CAPN5: variants seen among roughly 807,000 people sequenced by gnomAD.
The protein encoded by CAPN5 is calpain-5.
In CAPN5, 54 loss-of-function variants were observed where a neutral mutation model predicts 73.0. The ratio of observed to expected loss-of-function variants is 0.74; its 90% CI spans 0.59 to 0.93. The LOEUF is 0.93. Ranked by LOEUF, CAPN5 falls within the 40% of genes least tolerant of loss-of-function variation. The pLI is 0.00. For synonymous variants in CAPN5, 335 were observed against 356.9 expected (o/e 0.94, Z 0.69); for missense variants, 785 against 882.9 (o/e 0.89, Z 1.41).
At chr11:77,104,238 G>A (rs1320783638) in intron 3 of CAPN5, among the ~76,000 whole-genome samples, 3 of 152,142 alleles carry the variant, frequency 2.0e-5, no homozygotes, top group Non-Finnish European at 4.4e-5. Context: ...TAGTAAAGGG[G>A]GTTCCCTTTG....
chr11:77,101,067 G>A (rs904222624), intron 3 of CAPN5, among the ~76,000 whole-genome samples: 1 of 152,208 alleles, frequency 6.6e-6, no homozygotes, highest in Non-Finnish European at 1.5e-5. Context: ...TCTTGGCCTT[G>A]GGCTTGTGTC....
At position 77,093,772 on chromosome 11, in the gene CAPN5, G is replaced by A. The variant is rs1354048080; in HGVS notation, c.256G>A (p.Ala86Thr). 4 of 1,612,080 alleles carry A rather than the reference G, an allele frequency of 2.5e-6. No individual in the cohort carries two copies. The highest frequency in any genetic ancestry group is 3.4e-6 in the Non-Finnish European group (4 of 1,180,006). ...GGTGGGCAACTGCTGGTTTGTGGCAGCCTGCTCGTCACTTGCCTCCCGGGA... is the reference window on the plus strand; with the variant it reads ...GGTGGGCAACTGCTGGTTTGTGGCAACCTGCTCGTCACTTGCCTCCCGGGA... ...GQVGNCWFVA[A>T]CSSLASRESL... Residue 86 changes from alanine to threonine, a missense_variant, in exon 3 of 13, where the codon GCC becomes ACC. Transcript: ENST00000648180.
intron 2 of CAPN5, among the ~76,000 whole-genome samples, chr11:77,091,673 C>T (rs1316266798): frequency 6.6e-6 from 1 of 152,134 alleles, no homozygotes; most frequent in South Asian, 2.1e-4. Flanking sequence ...GGAAGAGGGG[C>T]CTGCTCTGTT....
At chr11:77,121,632 G>C (rs1390073187) in intron 10 of CAPN5, among the ~76,000 whole-genome samples, 1 of 152,192 alleles carries the variant, frequency 6.6e-6, no homozygotes, top group Non-Finnish European at 1.5e-5. Context: ...TAGCCTTTGC[G>C]GGGCTTTGCA....
intron 1 of CAPN5, among the ~76,000 whole-genome samples, chr11:77,083,638 G>A (rs138565602): frequency 5.9e-5 from 9 of 152,296 alleles, no homozygotes; most frequent in African/African-American, 2.2e-4. Flanking sequence ...TGGGACCACT[G>A]GGTGTCTTGG....
At chr11:77,085,121 G>A in intron 2 of CAPN5, 70 bp downstream of exon 2, 2 of 1,400,526 alleles carry the variant, frequency 1.4e-6, no homozygotes, top group East Asian at 2.3e-5. Flanking sequence ...GGCCTGCAGG[G>A]ACATCGGGGT....
At chr11:77,088,397 A>C (rs1292159683) in intron 2 of CAPN5, among the ~76,000 whole-genome samples, 1 of 152,136 alleles carries the variant, frequency 6.6e-6, no homozygotes, top group Non-Finnish European at 1.5e-5. Flanking sequence ...GGGCACACCC[A>C]GCCGAACTGC....
At chr11:77,090,654 C>G (rs1950139208) in intron 2 of CAPN5, among the ~76,000 whole-genome samples, 1 of 152,194 alleles carries the variant, frequency 6.6e-6, no homozygotes, top group African/African-American at 2.4e-5. Context: ...GGAGGGACAC[C>G]TGAGTCACTT....
chr11:77,083,318 C>T (rs782064151), intron 1 of CAPN5, among the ~76,000 whole-genome samples: 1 of 152,216 alleles, frequency 6.6e-6, no homozygotes, highest in African/African-American at 2.4e-5. Flanking sequence ...TGCCCGCGCT[C>T]GCCTCTTTCC....
intron 1 of CAPN5, among the ~76,000 whole-genome samples, chr11:77,068,598 G>A (rs1424556763): frequency 6.6e-6 from 1 of 152,176 alleles, no homozygotes; most frequent in Non-Finnish European, 1.5e-5. Flanking sequence ...TCAGATGTGT[G>A]TCCAAGAAGG....
intron 8 of CAPN5, 38 bp from the exon 9 acceptor site, chr11:77,118,992 A>T (rs782343699): frequency 6.3e-7 from 1 of 1,585,174 alleles, no homozygotes; most frequent in East Asian, 2.3e-5. Flanking sequence ...GTGTGGTCTC[A>T]TTGCAGTGTC....
intron 1 of CAPN5, chr11:77,071,788 A>G: frequency 2.5e-6 from 1 of 393,376 alleles, no homozygotes; most frequent in Non-Finnish European, 5.4e-6. Context: ...ATGGCCAGGA[A>G]TAGGAAGTGG....
At position 77,125,129 on chromosome 11, in the gene CAPN5, T is replaced by TTCTCGTGACCCA. The variant is rs1950560566; in HGVS notation, c.*1259_*1260insTCTCGTGACCCA. On this transcript the variant is annotated 3_prime_UTR_variant, in exon 13 of 13. Coordinates refer to ENST00000648180, the MANE Select transcript of CAPN5 (RefSeq NM_004055.5). ...CTGGTGCCGTGACCCACTTGGGATCTCTGCTGTGCCCTTCTCGGGCTTCCA... is the reference window on the plus strand; with the variant it reads ...CTGGTGCCGTGACCCACTTGGGATCTTCTCGTGACCCACTGCTGTGCCCTTCTCGGGCTTCCA... 1.3e-5 allele frequency: 2 copies of TTCTCGTGACCCA among 152,474 alleles called. No individual in the cohort carries two copies. The highest frequency in any genetic ancestry group is 2.9e-5 in the Non-Finnish European group (2 of 68,044). 9.4% of individuals were successfully genotyped at this position (152,474 alleles called of 1,614,324 possible). A position where few individuals can be genotyped will look rare whatever the true frequency, so the allele number is the denominator to read the frequency against.
intron 2 of CAPN5, chr11:77,087,943 A>G (rs1555035818): frequency 1.3e-6 from 2 of 1,536,024 alleles, no homozygotes. Context: ...TCTTTCCAGT[A>G]CAGTGGCCAT....
intron 3 of CAPN5, among the ~76,000 whole-genome samples, chr11:77,106,366 G>A (rs577699324): frequency 6.7e-6 from 1 of 148,678 alleles, no homozygotes; most frequent in Non-Finnish European, 1.5e-5. Context: ...GAGGAATCCA[G>A]CCTCCCACCC....
At chr11:77,069,811 C>T (rs1371191265) in intron 1 of CAPN5, among the ~76,000 whole-genome samples, 3 of 152,228 alleles carry the variant, frequency 2.0e-5, no homozygotes, top group Non-Finnish European at 4.4e-5. Flanking sequence ...GCCTCTCCAT[C>T]CCTGGTCCCC....
At chr11:77,112,064 G>A (rs919014973) in intron 3 of CAPN5, among the ~76,000 whole-genome samples, 7 of 152,186 alleles carry the variant, frequency 4.6e-5, no homozygotes, top group African/African-American at 1.4e-4. Context: ...AGATGTAGCT[G>A]CAGACACTGC....
intron 3 of CAPN5, among the ~76,000 whole-genome samples, chr11:77,100,398 C>T (rs1950272162): frequency 6.6e-6 from 1 of 151,602 alleles, no homozygotes; most frequent in Non-Finnish European, 1.5e-5. Flanking sequence ...CCCAGGCCTT[C>T]CCTTGGCTCC....
intron 2 of CAPN5, among the ~76,000 whole-genome samples, chr11:77,092,359 A>G (rs1360647090): frequency 3.3e-5 from 5 of 152,276 alleles, no homozygotes; most frequent in Admixed American, 3.3e-4. Context: ...TCCAGTCTGA[A>G]GCCAAAGCCC....
Sources: allele counts gnomAD v4.1 joint callset (sites outside exome capture counted in the v4.1 genomes callset), GRCh38; gene constraint gnomAD v4.1.1; transcripts MANE v1.5; gene names NCBI Gene and HGNC (gene_info 2026-07-23, HGNC 2026-07-21).